Variants in CD99L2 observed in about 807,000 individuals in gnomAD.
The protein encoded by CD99L2 is CD99 molecule like 2.
A neutral mutation model predicts 27.3 loss-of-function variants in CD99L2; 24 were observed. The ratio of observed to expected loss-of-function variants is 0.88; its 90% CI spans 0.64 to 1.24. The LOEUF is 1.24. CD99L2 is among the 50% of genes most tolerant of loss of function. CD99L2 has a pLI of 0.00. For missense variants in CD99L2, 255 were observed against 221.6 expected, an observed-to-expected ratio of 1.15 and a Z score of -0.96; for synonymous variants, 97 against 87.9, an observed-to-expected ratio of 1.10 and a Z score of -0.58.
At position 150,834,588 on chromosome X, in the gene CD99L2, G is replaced by C. The variant is rs575361241; in HGVS notation, c.68-3295C>G. Reference sequence around the variant, plus strand: ...TGAAGAAGACAAATGATATTTGTTGGTGAGGATATGGAGAAAAGGGAACAC... The same window carrying C: ...TGAAGAAGACAAATGATATTTGTTGCTGAGGATATGGAGAAAAGGGAACAC... On this transcript the variant is annotated intron_variant, in intron 1 of 10. Transcript: ENST00000370377. Among the ~76,000 whole-genome samples the C allele has an allele frequency of 9.8e-5, 11 of 112,560 alleles. No individual in the cohort carries two copies. The South Asian group carries it at 4.1e-3, about 41-fold the overall frequency.
chrX:150,789,705 C>G (rs1273985392), intron 7 of CD99L2, among the ~76,000 whole-genome samples: 1 of 111,213 alleles, frequency 9.0e-6, no homozygotes, highest in Admixed American at 9.5e-5. Context: ...GGCAACATAG[C>G]AAGACCCCAT....
At chrX:150,777,298 G>T in intron 8 of CD99L2, 146 bp downstream of exon 8, 1 of 681,099 alleles carries the variant, frequency 1.5e-6, no homozygotes, top group Non-Finnish European at 2.2e-6. Flanking sequence ...CATCTTTGCA[G>T]CTATCTTATT....
At chrX:150,873,189 G>C (rs139473096) in intron 1 of CD99L2, among the ~76,000 whole-genome samples, 1,277 of 112,381 alleles carry the variant, frequency 0.011, 17 homozygotes, top group African/African-American at 0.038. Flanking sequence ...AGTTCTAGTG[G>C]GAGAGGTACA....
chrX:150,771,937 G>A lies in CD99L2; in HGVS notation c.656-1568C>T, dbSNP rs997519472. The A allele has an allele frequency of 4.7e-6, 4 of 842,116 alleles. No homozygotes were observed. In the African/African-American group the frequency reaches 6.1e-5, roughly 13 times the overall value. 69.4% of individuals were successfully genotyped at this position (842,116 alleles called of 1,213,427 possible). On this transcript the variant is annotated intron_variant, in intron 9 of 10. Coordinates refer to ENST00000370377, the MANE Select transcript of CD99L2 (RefSeq NM_031462.4). ...AGGGAAGCCAAGGGTCCCCAGCATG[G>A]GCCTTTTGGCAGCAGCAGAGGCCGA...
intron 4 of CD99L2, among the ~76,000 whole-genome samples, chrX:150,813,188 T>TA (rs1489762876): frequency 5.4e-5 from 6 of 111,457 alleles, no homozygotes; most frequent in African/African-American, 1.6e-4. Flanking sequence ...TACACAAACC[T>TA]ACACACGTGA....
intron 7 of CD99L2, among the ~76,000 whole-genome samples, chrX:150,777,899 G>A (rs2045428815): frequency 8.9e-6 from 1 of 112,283 alleles, no homozygotes; most frequent in Non-Finnish European, 1.9e-5. Context: ...CGTAGCCACT[G>A]CCTCAACTAT....
chrX:150,787,222 A>G (rs1413545850), intron 7 of CD99L2, among the ~76,000 whole-genome samples: 3 of 111,726 alleles, frequency 2.7e-5, no homozygotes, highest in African/African-American at 9.8e-5. Flanking sequence ...TAGTTTGATG[A>G]GGTCCCATGT....
At chrX:150,816,175 T>A in intron 2 of CD99L2, 97 bp from the exon 3 acceptor site, 1 of 857,487 alleles carries the variant, frequency 1.2e-6, no homozygotes, top group Non-Finnish European at 1.7e-6. Context: ...GAGTAGAATA[T>A]CCTTGTCTTG....
intron 7 of CD99L2, among the ~76,000 whole-genome samples, chrX:150,790,980 T>C (rs570124094): frequency 9.0e-6 from 1 of 111,232 alleles, no homozygotes; most frequent in African/African-American, 3.3e-5. Flanking sequence ...CCCCTCATGA[T>C]AGGATTAGAA....
intron 1 of CD99L2, among the ~76,000 whole-genome samples, chrX:150,878,485 A>G (rs2047268881): frequency 9.1e-6 from 1 of 109,529 alleles, no homozygotes; most frequent in African/African-American, 3.3e-5. Context: ...AGACAACAGA[A>G]CTAAATATAG....
At chrX:150,855,524 T>A (rs2046868070) in intron 1 of CD99L2, among the ~76,000 whole-genome samples, 1 of 110,821 alleles carries the variant, frequency 9.0e-6, no homozygotes, top group Non-Finnish European at 1.9e-5. Context: ...GATCTCGTGA[T>A]AACTCACTCA....
At chrX:150,818,784 C>T (rs889654871) in intron 2 of CD99L2, 3 of 301,204 alleles carry the variant, frequency 1.0e-5, no homozygotes, top group African/African-American at 8.2e-5. Flanking sequence ...GACACCGTCG[C>T]TGTCTAAGGT....
intron 10 of CD99L2, among the ~76,000 whole-genome samples, chrX:150,769,376 TAAA>T (rs2043373172): frequency 2.7e-5 from 3 of 112,476 alleles, no homozygotes; most frequent in Non-Finnish European, 5.6e-5. Context: ...AGGGTTATTT[TAAA>T]CAAAGGGCTC....
At chrX:150,885,399 A>G (rs1228016969) in intron 1 of CD99L2, among the ~76,000 whole-genome samples, 3 of 112,080 alleles carry the variant, frequency 2.7e-5, no homozygotes, top group African/African-American at 9.7e-5. Context: ...AACAACAACA[A>G]CAAAAACTTT....
intron 1 of CD99L2, among the ~76,000 whole-genome samples, chrX:150,839,083 G>A (rs1557421302): frequency 9.1e-6 from 1 of 110,136 alleles, no homozygotes; most frequent in African/African-American, 3.3e-5. Context: ...GAAGGAAACA[G>A]ATATGATATT....
At chrX:150,855,867 T>G (rs2046877374) in intron 1 of CD99L2, among the ~76,000 whole-genome samples, 1 of 112,058 alleles carries the variant, frequency 8.9e-6, no homozygotes, top group Non-Finnish European at 1.9e-5. Flanking sequence ...CTCTGAATTC[T>G]AGGCTCCAGA....
intron 1 of CD99L2, among the ~76,000 whole-genome samples, chrX:150,877,497 T>C (rs1449479686): frequency 9.0e-6 from 1 of 111,333 alleles, no homozygotes; most frequent in African/African-American, 3.3e-5. Flanking sequence ...AATATGGTTA[T>C]ATACCTGGAA....
rs369349108 is a variant in CD99L2 at position 150,785,560 on chromosome X, T to A, written c.497-8078A>T. 4.5e-5 allele frequency among the ~76,000 whole-genome samples: 5 copies of A among 111,394 alleles called. No homozygotes were observed. In the East Asian group the frequency reaches 1.4e-3, roughly 32 times the overall value. ...TCTTCCACGTACCAGTGGATAACTT[T>A]TGACAGATGCACACAACTATGAAAC... On this transcript the variant is annotated intron_variant, in intron 7 of 10. Transcript: ENST00000370377.
Position 150,859,965 on chromosome X carries a change from C to T in CD99L2, c.68-28672G>A, listed in dbSNP as rs782027507. ...AAAAATTGAGGAGAAGGAAATTCTC[C>T]CTAACTTATTCTATGAGGCCAGCAC... On this transcript the variant is annotated intron_variant, in intron 1 of 10. Transcript: ENST00000370377. 3.6e-5 allele frequency among the ~76,000 whole-genome samples: 4 copies of T among 111,120 alleles called. No homozygotes were observed. The South Asian group carries it at 1.5e-3, about 43-fold the overall frequency.
Sources: gnomAD v4.1 joint callset for allele counts (sites outside exome capture counted in the v4.1 genomes callset) on GRCh38, gnomAD v4.1.1 for gene constraint, MANE v1.5 for transcripts, NCBI Gene and HGNC (gene_info 2026-07-23, HGNC 2026-07-21) for gene names.